Variants in SSTR2 observed in about 807,000 individuals in gnomAD.
SSTR2 encodes somatostatin receptor 2.
In SSTR2, 10 loss-of-function variants were observed where a neutral mutation model predicts 21.4. The ratio of observed to expected loss-of-function variants is 0.47; its 90% CI spans 0.29 to 0.79. SSTR2 has a LOEUF of 0.79. Among genes scored for constraint, SSTR2 ranks in the 30% least tolerant of loss-of-function variants. The pLI is 0.10. For synonymous variants in SSTR2, 177 were observed against 181.3 expected (o/e 0.98, Z 0.19); for missense variants, 364 against 468.8 (o/e 0.78, Z 2.06).
In SSTR2 at chr17:73,170,332, G is replaced by A. The variant is rs2061230335; in HGVS notation, c.1013G>A (p.Gly338Glu). ...CLVKVSGTDD[G>E]ERSDSKQDKS... The stretch of plus-strand genomic sequence containing the variant: ...GTCAAGGTGAGCGGCACAGATGATG[G>A]GGAGCGGAGTGACAGTAAGCAGGAC... Residue 338 changes from glycine to glutamate, a missense_variant, in exon 2 of 2, where the codon GGG (glycine) becomes GAG (glutamate). By Grantham distance (98) the Gly-to-Glu change is moderately conservative. Around this residue, in one of 4 missense-constraint regions of SSTR2, gnomAD observed 71 missense variants for 53.8 expected, o/e 1.32. Transcript: ENST00000357585. The A allele has an allele frequency of 6.2e-7, 1 of 1,613,994 alleles. No homozygotes were observed. Among genetic ancestry groups the A allele is most frequent in the Non-Finnish European group, 8.5e-7 (1 of 1,180,018 alleles).
Position 73,169,784 on chromosome 17 carries a change from A to G in SSTR2, c.465A>G (p.Arg155=). The G allele has an allele frequency of 2.5e-6, 4 of 1,613,888 alleles. No homozygotes were observed. The highest frequency in any genetic ancestry group is 3.4e-6 in the Non-Finnish European group (4 of 1,179,972). The part of the protein sequence containing the change: ...VHPIKSAKWR[R]PRTAKMITMA... ...CCATCAAGTCGGCCAAGTGGAGGAG[A>G]CCCCGGACGGCCAAGATGATCACCA... The change falls in exon 2 of 2, where the codon AGA becomes AGG. Residue 155 remains arginine, a synonymous_variant. Coordinates refer to ENST00000357585, the MANE Select transcript of SSTR2 (RefSeq NM_001050.3). This position sits in a 1 kb window ranked among gnomAD's most constrained non-coding sequence, Gnocchi z 5.2.
rs1471731894 is a variant in SSTR2, at chr17:73,176,225, A to G, written c.*5796A>G. 6.6e-6 allele frequency: 1 copy of G among 152,234 alleles called. No homozygotes were observed. Among genetic ancestry groups the G allele is most frequent in the Non-Finnish European group, 1.5e-5 (1 of 68,036 alleles). The allele number at this position is 152,234 out of a possible 1,614,324, so 9.4% of individuals were successfully genotyped here. A position where few individuals can be genotyped will look rare whatever the true frequency, so the allele number is the denominator to read the frequency against. ...GGGTCCTGTCCCCATGTAAGGGGATATGTACATTGCTGAGTACGCTGATAT... is the reference window on the plus strand; with the variant it reads ...GGGTCCTGTCCCCATGTAAGGGGATGTGTACATTGCTGAGTACGCTGATAT... On this transcript the variant is annotated 3_prime_UTR_variant, in exon 2 of 2. Transcript: ENST00000357585.
chr17:73,167,576 C>T (rs188108286), intron 1 of SSTR2, among the ~76,000 whole-genome samples: 87 of 152,324 alleles, frequency 5.7e-4, no homozygotes, highest in Middle Eastern at 3.4e-3. Context: ...TTGAACATCT[C>T]GCCTCTTCCT....
rs1020456805 is a variant in SSTR2, at chr17:73,175,972, G to A, written c.*5543G>A. 3.3e-5 allele frequency: 5 copies of A among 152,146 alleles called. No homozygotes were observed. Among genetic ancestry groups the A allele is most frequent in the Non-Finnish European group, 7.3e-5 (5 of 68,066 alleles). 9.4% of individuals were successfully genotyped at this position (152,146 alleles called of 1,614,324 possible). ...TGAACCCAGTCCTAAGGGCTGCTGG[G>A]GGCCACCAAATAAGACTGTTTTAGC... On this transcript the variant is annotated 3_prime_UTR_variant, in exon 2 of 2. Coordinates refer to ENST00000357585, the MANE Select transcript of SSTR2 (RefSeq NM_001050.3).
intron 1 of SSTR2, among the ~76,000 whole-genome samples, chr17:73,167,009 T>C (rs955438766): frequency 3.3e-5 from 5 of 152,138 alleles, no homozygotes; most frequent in Non-Finnish European, 7.4e-5. Context: ...TACTCAGACA[T>C]TGGAGTGTGA....
Position 73,169,963 on chromosome 17 carries a change from T to C in SSTR2, c.644T>C (p.Leu215Pro). 6.2e-7 allele frequency: 1 copy of C among 1,607,242 alleles called. No individual in the cohort carries two copies. The highest frequency in any genetic ancestry group is 8.5e-7 in the Non-Finnish European group (1 of 1,175,462). ...YTGFIIYTFI[L>P]GFLVPLTIIC... Reference sequence around the variant, plus strand: ...GGGTTCATCATCTACACTTTCATTCTGGGGTTCCTGGTACCCCTCACCATC... The same window carrying C: ...GGGTTCATCATCTACACTTTCATTCCGGGGTTCCTGGTACCCCTCACCATC... The change falls in exon 2 of 2, where the codon CTG becomes CCG. Residue 215 changes from leucine to proline, a missense_variant. Transcript: ENST00000357585. The surrounding 1 kb of genome is among the most constrained non-coding windows in gnomAD (Gnocchi z 5.2).
intron 1 of SSTR2, among the ~76,000 whole-genome samples, chr17:73,166,031 A>G (rs529911438): frequency 1.2e-3 from 177 of 151,542 alleles, no homozygotes; most frequent in African/African-American, 4.3e-3. Flanking sequence ...GTCTTCCTGG[A>G]AATGGCACAG....
chr17:73,170,567 G>A lies in SSTR2; in HGVS notation c.*138G>A. On this transcript the variant is annotated 3_prime_UTR_variant, in exon 2 of 2. Transcript: ENST00000357585. ...GATTGCTCAGCATGAGTCCAATTCA[G>A]AGAACGGTGTTTGAGTCAGCTTGTC... 9.0e-7 allele frequency: 1 copy of A among 1,106,832 alleles called. No homozygotes were observed. Among genetic ancestry groups the A allele is most frequent in the Non-Finnish European group, 1.3e-6 (1 of 742,426 alleles). 68.6% of individuals were successfully genotyped at this position (1,106,832 alleles called of 1,614,324 possible). A position where few individuals can be genotyped will look rare whatever the true frequency, so the allele number is the denominator to read the frequency against.
rs1403032774 is a variant in SSTR2, at chr17:73,170,785, T to C, written c.*356T>C. 7 of 483,082 alleles carry C rather than the reference T, an allele frequency of 1.4e-5. No homozygotes were observed. The highest frequency in any genetic ancestry group is 3.0e-5 in the Non-Finnish European group (7 of 236,998). The allele number at this position is 483,082 out of a possible 1,614,324, so 29.9% of individuals were successfully genotyped here. A position where few individuals can be genotyped will look rare whatever the true frequency, so the allele number is the denominator to read the frequency against. The stretch of plus-strand genomic sequence containing the variant: ...CAATATGTAATCTTGTGTTTTTATA[T>C]GTATACTTGTATATTCCTATTTATT... On this transcript the variant is annotated 3_prime_UTR_variant, in exon 2 of 2. Coordinates refer to ENST00000357585, the MANE Select transcript of SSTR2 (RefSeq NM_001050.3).
chr17:73,171,394 A>C lies in SSTR2; in HGVS notation c.*965A>C, dbSNP rs923706653. The C allele has an allele frequency of 6.0e-6, 1 of 166,988 alleles. No individual in the cohort carries two copies. The highest frequency in any genetic ancestry group is 1.5e-5 in the Non-Finnish European group (1 of 68,128). 10.3% of individuals were successfully genotyped at this position (166,988 alleles called of 1,614,324 possible). On this transcript the variant is annotated 3_prime_UTR_variant, in exon 2 of 2. Transcript: ENST00000357585. ...GAGCTATGAGGGGGAAAAATCACTAACATGAAAGGCAAAAAATGGACTATG... is the reference window on the plus strand; with the variant it reads ...GAGCTATGAGGGGGAAAAATCACTACCATGAAAGGCAAAAAATGGACTATG...
chr17:73,173,484 C>G lies in SSTR2; in HGVS notation c.*3055C>G, dbSNP rs1360666112. ...GTATCTGTTTCAAAGATAACTTGCT[C>G]TCTGGTTCTCTTTTATCTAAAAGAG... is the stretch of plus-strand genomic sequence containing the variant. On this transcript the variant is annotated 3_prime_UTR_variant, in exon 2 of 2. Transcript: ENST00000357585. 2 of 152,180 alleles carry G rather than the reference C, an allele frequency of 1.3e-5. No individual in the cohort carries two copies. Among genetic ancestry groups the G allele is most frequent in the African/African-American group, 4.8e-5 (2 of 41,442 alleles). The allele number at this position is 152,180 out of a possible 1,614,324, so 9.4% of individuals were successfully genotyped here.
At position 73,170,302 on chromosome 17, in the gene SSTR2, G is replaced by C; in HGVS notation, c.983G>C (p.Cys328Ser). Residue 328 changes from cysteine to serine, a missense_variant, in exon 2 of 2, where the codon TGC becomes TCC. Transcript: ENST00000357585. Reference sequence around the variant, plus strand: ...AAGAAGAGCTTCCAGAATGTCCTCTGCTTGGTCAAGGTGAGCGGCACAGAT... The same window carrying C: ...AAGAAGAGCTTCCAGAATGTCCTCTCCTTGGTCAAGGTGAGCGGCACAGAT... ...NFKKSFQNVL[C>S]LVKVSGTDDG... 1 of 1,613,958 alleles carries C rather than the reference G, an allele frequency of 6.2e-7. No homozygotes were observed. The highest frequency in any genetic ancestry group is 8.5e-7 in the Non-Finnish European group (1 of 1,180,020).
Position 73,168,207 on chromosome 17 carries a change from G to A in SSTR2, c.-92-1021G>A, listed in dbSNP as rs1038981832. On this transcript the variant is annotated intron_variant, in intron 1 of 1. Coordinates refer to ENST00000357585, the MANE Select transcript of SSTR2 (RefSeq NM_001050.3). ...TGGGGGTAATTATCCCTACCACCTA[G>A]GACAGTTGGGGAGATCAAGGGACTC... 5 of 152,192 alleles carry A rather than the reference G, an allele frequency of 3.3e-5. No homozygotes were observed. In the East Asian group the frequency reaches 9.6e-4, roughly 29 times the overall value. 9.4% of individuals were successfully genotyped at this position (152,192 alleles called of 1,614,324 possible).
Position 73,169,944 on chromosome 17 carries a change from A to G in SSTR2, c.625A>G (p.Ile209Val), listed in dbSNP as rs1458304304. ...GESGAWYTGF[I>V]IYTFILGFLV... ...ATCTGGGGCTTGGTACACAGGGTTC[A>G]TCATCTACACTTTCATTCTGGGGTT... Residue 209 changes from isoleucine (I) to valine (V), a missense_variant, in exon 2 of 2, where the codon ATC becomes GTC. By Grantham distance (29) the Ile-to-Val change is conservative. This residue lies in a region of SSTR2 where 193 missense variants were observed against 273.1 expected (regional missense o/e 0.71). Coordinates refer to ENST00000357585, the MANE Select transcript of SSTR2 (RefSeq NM_001050.3). This position sits in a 1 kb window ranked among gnomAD's most constrained non-coding sequence, Gnocchi z 5.2. 1.2e-6 allele frequency: 2 copies of G among 1,607,268 alleles called. No homozygotes were observed. The highest frequency in any genetic ancestry group is 1.7e-6 in the Non-Finnish European group (2 of 1,175,774).
In SSTR2 at chr17:73,171,106, C is replaced by A. The variant is rs1379065538; in HGVS notation, c.*677C>A. 5.6e-6 allele frequency: 1 copy of A among 178,516 alleles called. No individual in the cohort carries two copies. Among genetic ancestry groups the A allele is most frequent in the Non-Finnish European group, 1.3e-5 (1 of 74,726 alleles). 11.1% of individuals were successfully genotyped at this position (178,516 alleles called of 1,614,324 possible). A position where few individuals can be genotyped will look rare whatever the true frequency, so the allele number is the denominator to read the frequency against. On this transcript the variant is annotated 3_prime_UTR_variant, in exon 2 of 2. Transcript: ENST00000357585. ...TCGTATAAGCTTCAAGCCTCACAAA[C>A]CTTCTAGCCTCTGCCCTTGGGGATT...
At position 73,169,202 on chromosome 17, in the gene SSTR2, G is replaced by C; in HGVS notation, c.-92-26G>C. ...GACTTTAAACAGCCTGTGACCGACG[G>C]GCCAATCTTCCTCTTTTCCTTCCAG... On this transcript the variant is annotated intron_variant, in intron 1 of 1. Coordinates refer to ENST00000357585, the MANE Select transcript of SSTR2 (RefSeq NM_001050.3). This position sits in a 1 kb window ranked among gnomAD's most constrained non-coding sequence, Gnocchi z 5.2. 1 of 1,281,620 alleles carries C rather than the reference G, an allele frequency of 7.8e-7. No individual in the cohort carries two copies. The highest frequency in any genetic ancestry group is 1.0e-6 in the Non-Finnish European group (1 of 953,604). 79.4% of individuals were successfully genotyped at this position (1,281,620 alleles called of 1,614,324 possible). A position where few individuals can be genotyped will look rare whatever the true frequency, so the allele number is the denominator to read the frequency against.
rs34454185 is a variant in SSTR2, at chr17:73,174,128, CA to C, written c.*3715del. 362 of 111,178 alleles carry C rather than the reference CA, an allele frequency of 3.3e-3. No homozygotes were observed. The highest frequency in any genetic ancestry group is 7.5e-3 in the African/African-American group (214 of 28,652). 6.9% of individuals were successfully genotyped at this position (111,178 alleles called of 1,614,324 possible). On this transcript the variant is annotated 3_prime_UTR_variant, in exon 2 of 2. Coordinates refer to ENST00000357585, the MANE Select transcript of SSTR2 (RefSeq NM_001050.3). ...TGGGTGACAGCACAAGACTCCATCT[CA>C]AAAAAAAAAAAAAAAGGAAGAAGAA...
At chr17:73,166,816 C>T (rs2145066774) in intron 1 of SSTR2, among the ~76,000 whole-genome samples, 1 of 152,324 alleles carries the variant, frequency 6.6e-6, no homozygotes, top group Non-Finnish European at 1.5e-5. Flanking sequence ...TTCACCAAGA[C>T]TCTGAACCCT....
At chr17:73,166,152 C>T (rs970837499) in intron 1 of SSTR2, among the ~76,000 whole-genome samples, 1 of 152,248 alleles carries the variant, frequency 6.6e-6, no homozygotes, top group Non-Finnish European at 1.5e-5. Context: ...CTCGCCCCTC[C>T]ATTTCTCAAC....
Sources: gnomAD v4.1 joint callset for allele counts (sites outside exome capture counted in the v4.1 genomes callset) on GRCh38, gnomAD v4.1.1 for gene constraint, gnomAD v4.1.1 regional missense constraint, Gnocchi (gnomAD v3.1) non-coding constraint, MANE v1.5 for transcripts, NCBI Gene and HGNC (gene_info 2026-07-23, HGNC 2026-07-21) for gene names.